The following SOS2 variants were observed in gnomAD, a reference collection of about 807,000 sequenced individuals.
SOS2 encodes the protein SOS Ras/Rho guanine nucleotide exchange factor 2, also known as son of sevenless homolog 2.
In SOS2, 65 loss-of-function variants were observed where a neutral mutation model predicts 148.2. The ratio of observed to expected loss-of-function variants is 0.44; its 90% CI spans 0.36 to 0.54. The LOEUF (loss-of-function observed/expected upper bound fraction) is 0.54. Among genes scored for constraint, SOS2 ranks in the 20% least tolerant of loss-of-function variants. The pLI, the probability that SOS2 is intolerant of heterozygous loss-of-function variation, is 0.00. For synonymous variants in SOS2, 539 were observed against 537.1 expected (o/e 1.00, Z -0.05); for missense variants, 1,341 against 1,590.2 (o/e 0.84, Z 2.67).
At chr14:50,193,223 G>A (rs1886207400) in intron 4 of SOS2, among the ~76,000 whole-genome samples, 1 of 151,568 alleles carries the variant, frequency 6.6e-6, no homozygotes, top group Admixed American at 6.6e-5. Context: ...TAAATTTTTT[G>A]TAGAGATGAT....
chr14:50,183,493 T>C (rs946483962), intron 5 of SOS2, among the ~76,000 whole-genome samples: 2 of 152,130 alleles, frequency 1.3e-5, no homozygotes, highest in Admixed American at 1.3e-4. Flanking sequence ...AAGAGAATTT[T>C]AAAAATCTCT....
At chr14:50,181,729 T>A (rs1370943276) in intron 6 of SOS2, among the ~76,000 whole-genome samples, 2 of 152,104 alleles carry the variant, frequency 1.3e-5, no homozygotes, top group Non-Finnish European at 2.9e-5. Context: ...TTCGTATGTA[T>A]GCACAGAAAT....
At chr14:50,189,855 T>A (rs1043480717) in intron 4 of SOS2, among the ~76,000 whole-genome samples, 4 of 127,320 alleles carry the variant, frequency 3.1e-5, no homozygotes, top group South Asian at 4.6e-4. Flanking sequence ...TTTTTATTTT[T>A]TTTTTTTTTG....
chr14:50,118,695 AG>A lies in SOS2; in HGVS notation c.3647del (p.Pro1216LeufsTer13). ...PPPRDPLPDTPPPVPLRPPEH... is the reference protein window; with the variant it reads ...PPPRDPLPDTXPPVPLRPPEH... ...CTGGAGGCCGAAGGGGAACTGGTGG[AG>A]GGGTATCAGGAAGAGGATCTCTTGG... On this transcript the variant is annotated frameshift_variant, in exon 23 of 23. Transcript: ENST00000216373. LOFTEE classifies it high-confidence loss of function. 2.5e-6 allele frequency: 4 copies of A among 1,613,534 alleles called. No homozygotes were observed. Among genetic ancestry groups the A allele is most frequent in the Non-Finnish European group, 3.4e-6 (4 of 1,179,882 alleles).
chr14:50,207,245 G>A (rs2139806089), intron 1 of SOS2, among the ~76,000 whole-genome samples: 1 of 152,196 alleles, frequency 6.6e-6, no homozygotes, highest in South Asian at 2.1e-4. Flanking sequence ...CAGCACAGTG[G>A]TTCATGCCTG....
rs1033696008 is a variant in SOS2 at position 50,158,656 on chromosome 14, C to G, written c.1853-10G>C. 3 of 1,569,918 alleles carry G rather than the reference C, an allele frequency of 1.9e-6. No individual in the cohort carries two copies. The highest frequency in any genetic ancestry group is 2.6e-6 in the Non-Finnish European group (3 of 1,146,644). ...CGAACAAAATTGGGATCTGAAAAGGCAGAGCATAAAATAGGTTTCATGTTT... is the reference window on the plus strand; with the variant it reads ...CGAACAAAATTGGGATCTGAAAAGGGAGAGCATAAAATAGGTTTCATGTTT... On this transcript the variant is annotated splice_polypyrimidine_tract_variant and intron_variant, in intron 10 of 22. Coordinates refer to ENST00000216373, the MANE Select transcript of SOS2 (RefSeq NM_006939.4).
intron 11 of SOS2, among the ~76,000 whole-genome samples, chr14:50,157,491 C>A (rs1382816851): frequency 6.6e-6 from 1 of 151,906 alleles, no homozygotes; most frequent in African/African-American, 2.4e-5. Context: ...TAAATGAGTA[C>A]AAATTCAAAG....
intron 8 of SOS2, among the ~76,000 whole-genome samples, chr14:50,163,256 A>G (rs1157459747): frequency 6.6e-6 from 1 of 151,784 alleles, no homozygotes; most frequent in Non-Finnish European, 1.5e-5. Flanking sequence ...GAAAATTTTT[A>G]AAAACTTAAA....
chr14:50,187,779 T>TTCCA, intron 5 of SOS2, among the ~76,000 whole-genome samples: 1 of 152,246 alleles, frequency 6.6e-6, no homozygotes, highest in East Asian at 1.9e-4. Context: ...TTTTTAAAAG[T>TTCCA]TCCACCGTTA....
At chr14:50,204,594 T>G (rs1480493072) in intron 1 of SOS2, among the ~76,000 whole-genome samples, 185 bp from the exon 2 acceptor site, 1 of 152,208 alleles carries the variant, frequency 6.6e-6, no homozygotes, top group Non-Finnish European at 1.5e-5. Flanking sequence ...GCAGTGGTTC[T>G]TAAGCATTTT....
intron 8 of SOS2, among the ~76,000 whole-genome samples, chr14:50,161,901 C>T (rs948944951): frequency 8.6e-5 from 13 of 151,390 alleles, no homozygotes; most frequent in Non-Finnish European, 1.9e-4. Flanking sequence ...CAGGCGAATG[C>T]CACCACACCC....
intron 14 of SOS2, among the ~76,000 whole-genome samples, chr14:50,149,122 C>G (rs1171843960): frequency 1.3e-5 from 2 of 152,158 alleles, no homozygotes; most frequent in African/African-American, 4.8e-5. Flanking sequence ...GTCTTGAACT[C>G]CTGGTCTCAA....
chr14:50,174,623 G>A, intron 7 of SOS2, 71 bp from the exon 8 acceptor site: 1 of 801,288 alleles, frequency 1.2e-6, no homozygotes, highest in Admixed American at 2.4e-5. Context: ...GTGCCTAACA[G>A]AAACGTCTAC....
chr14:50,120,183 C>T, intron 22 of SOS2, 92 bp downstream of exon 22: 2 of 621,234 alleles, frequency 3.2e-6, no homozygotes, highest in South Asian at 4.3e-5. Context: ...TAAATGGTAG[C>T]CAAAGTATAA....
intron 4 of SOS2, among the ~76,000 whole-genome samples, chr14:50,198,299 C>T (rs550470011): frequency 2.6e-5 from 4 of 151,080 alleles, no homozygotes; most frequent in Admixed American, 2.0e-4. Flanking sequence ...GTGGCAAGGG[C>T]TTACTTTTTG....
Position 50,133,246 on chromosome 14 carries a change from T to TTC in SOS2, c.3075+876_3075+877insGA, listed in dbSNP as rs1280826540. On this transcript the variant is annotated intron_variant, in intron 19 of 22. Transcript: ENST00000216373. Reference sequence around the variant, plus strand: ...CATGAACTTTTTTTCTTTTTTCTTTTTTCTTTTTTTTTTTTTTTGAGACGG... The same window carrying TTC: ...CATGAACTTTTTTTCTTTTTTCTTTTTCTTCTTTTTTTTTTTTTTTGAGACGG... 6.8e-5 allele frequency among the ~76,000 whole-genome samples: 9 copies of TTC among 133,196 alleles called. No homozygotes were observed. In the South Asian group the frequency reaches 7.2e-4, roughly 11 times the overall value. 87.4% of individuals were successfully genotyped at this position (133,196 alleles called of 152,430 possible).
Position 50,118,285 on chromosome 14 carries a change from A to C in SOS2, c.*59T>G. On this transcript the variant is annotated 3_prime_UTR_variant, in exon 23 of 23. Transcript: ENST00000216373. ...AAAATACTATGTCTTTTTTTGAATA[A>C]ATTAAAAAAAAAACTTTACAAATAC... The C allele has an allele frequency of 7.1e-7, 1 of 1,405,144 alleles. No homozygotes were observed. Among genetic ancestry groups the C allele is most frequent in the East Asian group, 2.3e-5 (1 of 43,258 alleles). The allele number at this position is 1,405,144 out of a possible 1,614,324, so 87.0% of individuals were successfully genotyped here. A position where few individuals can be genotyped will look rare whatever the true frequency, so the allele number is the denominator to read the frequency against.
intron 6 of SOS2, among the ~76,000 whole-genome samples, chr14:50,181,558 A>T (rs1388722224): frequency 2.0e-5 from 3 of 152,082 alleles, no homozygotes; most frequent in African/African-American, 7.2e-5. Context: ...TGGATAATAG[A>T]TAGTTAAAAT....
intron 1 of SOS2, chr14:50,230,940 T>A: frequency 9.1e-7 from 1 of 1,102,134 alleles, no homozygotes; most frequent in Non-Finnish European, 1.1e-6. Context: ...ACGGCGGAAG[T>A]TGCCTGACGA....
Sources: gnomAD v4.1 joint callset for allele counts (sites outside exome capture counted in the v4.1 genomes callset) on GRCh38, gnomAD v4.1.1 for gene constraint, MANE v1.5 for transcripts, NCBI Gene and HGNC (gene_info 2026-07-23, HGNC 2026-07-21) for gene names.